PITPNC1: variants seen among roughly 807,000 people sequenced by gnomAD.
PITPNC1 encodes the protein cytoplasmic phosphatidylinositol transfer protein 1.
PITPNC1 carries 18 observed loss-of-function variants against 44.7 expected under a neutral mutation model. The ratio of observed to expected loss-of-function variants is 0.40; its 90% confidence interval spans 0.28 to 0.60. The LOEUF (loss-of-function observed/expected upper bound fraction) is 0.60, where lower values mean the gene tolerates loss of function less well. PITPNC1 is among the 20% of genes least tolerant of loss of function. The probability of loss-of-function intolerance (pLI) is 0.39; values close to 1 mark genes in which losing one functional copy is unlikely to be tolerated. For synonymous variants in PITPNC1, 141 were observed against 149.6 expected, an observed-to-expected ratio of 0.94 and a Z score of 0.42; for missense variants, 290 against 418.4, an observed-to-expected ratio of 0.69 and a Z score of 2.68.
At position 67,495,040 on chromosome 17, in the gene PITPNC1, G is replaced by GTTTTTTTTTTTTTTTTTTTTTTTTT. The variant is rs879366971; in HGVS notation, c.49-37751_49-37750insTTTTTTTTTTTTTTTTTTTTTTTTT. 2.6e-4 allele frequency among the ~76,000 whole-genome samples: 17 copies of GTTTTTTTTTTTTTTTTTTTTTTTTT among 64,720 alleles called. 4 individuals carry two copies. The highest frequency in any genetic ancestry group is 4.0e-4 in the Non-Finnish European group (15 of 37,128). The allele number at this position is 64,720 out of a possible 152,430, so 42.5% of individuals were successfully genotyped here. ...TTTGGCAATATTGAGCCATGGAGTT[G>GTTTTTTTTTTTTTTTTTTTTTTTTT]TTTTTTTTTTTGTTTTTTTTTTTTT... On this transcript the variant is annotated intron_variant, in intron 1 of 8. Coordinates refer to ENST00000581322, the MANE Select transcript of PITPNC1 (RefSeq NM_012417.4).
At chr17:67,538,901 T>C (rs1311844655) in intron 2 of PITPNC1, among the ~76,000 whole-genome samples, 2 of 150,660 alleles carry the variant, frequency 1.3e-5, no homozygotes, top group South Asian at 2.1e-4. Flanking sequence ...AATGCACATA[T>C]AGACCAAGAC....
intron 6 of PITPNC1, among the ~76,000 whole-genome samples, chr17:67,655,558 CAA>C (rs796111267): frequency 1.9e-4 from 8 of 42,080 alleles, no homozygotes; most frequent in Middle Eastern, 0.024. Flanking sequence ...AGACTCATCT[CAA>C]AAAAAAAAAA....
At chr17:67,468,394 T>TCTTTC (rs1376996055) in intron 1 of PITPNC1, among the ~76,000 whole-genome samples, 13 of 139,178 alleles carry the variant, frequency 9.3e-5, no homozygotes, top group African/African-American at 3.3e-4. Context: ...CAGGTGGCTT[T>TCTTTC]CTTTCCTTTT....
intron 5 of PITPNC1, among the ~76,000 whole-genome samples, chr17:67,588,612 G>A (rs929523252): frequency 1.8e-4 from 28 of 152,068 alleles, no homozygotes; most frequent in African/African-American, 5.8e-4. Context: ...AAAATAGAGC[G>A]TGTATAGAGT....
Position 67,508,949 on chromosome 17 carries a change from A to C in PITPNC1, c.49-23853A>C, listed in dbSNP as rs2040141803. On this transcript the variant is annotated intron_variant, in intron 1 of 8. Coordinates refer to ENST00000581322, the MANE Select transcript of PITPNC1 (RefSeq NM_012417.4). The surrounding 1 kb of genome is among the most constrained non-coding windows in gnomAD (Gnocchi z 4.2). ...GTTTTACCATAATTTAAAAATAAAA[A>C]CAGGCCGGGCTTGGTGGCTCACGTC... Among the ~76,000 whole-genome samples the C allele has an allele frequency of 6.6e-6, 1 of 152,140 alleles. No homozygotes were observed. The highest frequency in any genetic ancestry group is 2.4e-5 in the African/African-American group (1 of 41,442).
chr17:67,385,480 C>T (rs913348874), intron 1 of PITPNC1, among the ~76,000 whole-genome samples: 2 of 144,882 alleles, frequency 1.4e-5, no homozygotes, highest in East Asian at 2.3e-4. Context: ...CTGACCACCC[C>T]TCCCCCCTCC....
chr17:67,542,887 G>C (rs557796370), intron 2 of PITPNC1, among the ~76,000 whole-genome samples: 1 of 152,326 alleles, frequency 6.6e-6, no homozygotes, highest in African/African-American at 2.4e-5. Flanking sequence ...TGAGAAAGTT[G>C]CTCAAAGGGG....
intron 1 of PITPNC1, among the ~76,000 whole-genome samples, chr17:67,442,928 T>C (rs950016153): frequency 6.6e-6 from 1 of 152,002 alleles, no homozygotes; most frequent in Non-Finnish European, 1.5e-5. Context: ...TCTTAAATTT[T>C]ACACCTAGGC....
chr17:67,385,112 G>A (rs1158785874), intron 1 of PITPNC1, among the ~76,000 whole-genome samples: 1 of 152,228 alleles, frequency 6.6e-6, no homozygotes, highest in Non-Finnish European at 1.5e-5. Flanking sequence ...GGTGAAGCCA[G>A]TTGGACTTCT....
chr17:67,694,184 G>A lies in PITPNC1; in HGVS notation c.*1296G>A, dbSNP rs920662696. The A allele has an allele frequency of 3.3e-5, 5 of 152,204 alleles. No individual in the cohort carries two copies. Among genetic ancestry groups the A allele is most frequent in the African/African-American group, 1.2e-4 (5 of 41,442 alleles). The allele number at this position is 152,204 out of a possible 1,614,324, so 9.4% of individuals were successfully genotyped here. The stretch of plus-strand genomic sequence containing the variant: ...AGTGACAGAAAGACAATTCTCCTTT[G>A]CTCCAAAGAGAGAAATCTGTCACCT... On this transcript the variant is annotated 3_prime_UTR_variant, in exon 9 of 9. Coordinates refer to ENST00000581322, the MANE Select transcript of PITPNC1 (RefSeq NM_012417.4).
At chr17:67,415,917 A>C (rs566376885) in intron 1 of PITPNC1, among the ~76,000 whole-genome samples, 9 of 152,214 alleles carry the variant, frequency 5.9e-5, no homozygotes, top group Admixed American at 3.9e-4. Context: ...ACCTAAAAAA[A>C]AAAAAATCCT....
intron 1 of PITPNC1, among the ~76,000 whole-genome samples, chr17:67,399,463 G>A (rs2038275400): frequency 2.0e-5 from 3 of 152,170 alleles, no homozygotes; most frequent in African/African-American, 7.2e-5. Context: ...GGGGGCAAAT[G>A]CGTTGTTGAT....
At chr17:67,528,894 G>A (rs946700725) in intron 1 of PITPNC1, among the ~76,000 whole-genome samples, 1 of 152,034 alleles carries the variant, frequency 6.6e-6, no homozygotes, top group Non-Finnish European at 1.5e-5. Context: ...GAGTCAATAC[G>A]AGATTTAAAA....
chr17:67,583,938 A>G (rs2144243281), intron 5 of PITPNC1, among the ~76,000 whole-genome samples: 1 of 144,768 alleles, frequency 6.9e-6, no homozygotes, highest in East Asian at 2.1e-4. Flanking sequence ...ATGGAGTGTC[A>G]CTGTGTTAGC....
intron 2 of PITPNC1, among the ~76,000 whole-genome samples, chr17:67,547,117 G>A (rs545052403): frequency 6.6e-6 from 1 of 152,182 alleles, no homozygotes; most frequent in Non-Finnish European, 1.5e-5. Flanking sequence ...TATTTAAAAT[G>A]AGCTGCAGTC....
intron 1 of PITPNC1, among the ~76,000 whole-genome samples, chr17:67,434,812 AAT>A (rs1054831209): frequency 4.7e-5 from 7 of 150,336 alleles, no homozygotes; most frequent in African/African-American, 1.7e-4. Context: ...AAAAAAAAAA[AAT>A]AAAAAAATAA....
chr17:67,489,662 G>A (rs1016717242), intron 1 of PITPNC1, among the ~76,000 whole-genome samples: 1 of 152,224 alleles, frequency 6.6e-6, no homozygotes, highest in Non-Finnish European at 1.5e-5. Context: ...CCAGGGTTCT[G>A]TAGCACCCAA....
intron 1 of PITPNC1, among the ~76,000 whole-genome samples, chr17:67,403,216 T>TATAAAAAAAAA (rs1567976494): frequency 9.9e-5 from 1 of 10,118 alleles, no homozygotes; most frequent in Non-Finnish European, 1.9e-4. Flanking sequence ...ACCTCATCTC[T>TATAAAAAAAAA]ACAAAAAAAA....
chr17:67,385,255 T>G (rs1025016597), intron 1 of PITPNC1, among the ~76,000 whole-genome samples: 16 of 152,002 alleles, frequency 1.1e-4, no homozygotes, highest in African/African-American at 3.6e-4. Context: ...ACCAATCAGG[T>G]CTCTGTGGCT....
Sources: gnomAD v4.1 joint callset for allele counts (sites outside exome capture counted in the v4.1 genomes callset) on GRCh38, gnomAD v4.1.1 for gene constraint, Gnocchi (gnomAD v3.1) non-coding constraint, MANE v1.5 for transcripts, NCBI Gene and HGNC (gene_info 2026-07-23, HGNC 2026-07-21) for gene names.